RYR2: variants seen among roughly 807,000 people sequenced by gnomAD.
The protein encoded by RYR2 is ryanodine receptor 2, also known as cardiac muscle ryanodine receptor-calcium release channel.
A neutral mutation model predicts 601.1 loss-of-function variants in RYR2; 227 were observed. That is an observed-to-expected ratio of 0.38 (90% CI 0.34 to 0.42). RYR2 has a LOEUF of 0.42. Ranked by LOEUF, RYR2 falls within the 10% of genes least tolerant of loss-of-function variation. RYR2 has a pLI of 1.00. For synonymous variants in RYR2, 2,223 were observed against 2,175.1 expected, an observed-to-expected ratio of 1.02 and a Z score of -0.61; for missense variants, 4,646 against 6,156.5, an observed-to-expected ratio of 0.75 and a Z score of 8.21.
intron 1 of RYR2, among the ~76,000 whole-genome samples, chr1:237,089,942 G>A (rs1349001838): frequency 1.3e-5 from 2 of 152,188 alleles, no homozygotes; most frequent in African/African-American, 2.4e-5. Context: ...TAATTTATAA[G>A]AAAAGAGATT....
At chr1:237,191,079 A>C (rs1679919346) in intron 1 of RYR2, among the ~76,000 whole-genome samples, 1 of 152,090 alleles carries the variant, frequency 6.6e-6, no homozygotes, top group Non-Finnish European at 1.5e-5. Context: ...ATTTTGAATT[A>C]ATTTTTGTAT....
intron 1 of RYR2, among the ~76,000 whole-genome samples, chr1:237,261,075 T>A (rs1558514591): frequency 6.6e-6 from 1 of 152,242 alleles, no homozygotes; most frequent in Non-Finnish European, 1.5e-5. Context: ...CTGTATGACA[T>A]AAATGTCAAA....
In RYR2 at chr1:237,095,449, G is replaced by A. The variant is rs1324161103; in HGVS notation, c.48+52880G>A. 2.0e-5 allele frequency among the ~76,000 whole-genome samples: 3 copies of A among 152,214 alleles called. 1 individual carries two copies. The highest frequency in any genetic ancestry group is 2.0e-4 in the Admixed American group (3 of 15,286). On this transcript the variant is annotated intron_variant, in intron 1 of 104. Coordinates refer to ENST00000366574, the MANE Select transcript of RYR2 (RefSeq NM_001035.3). ...TACAAAAAGTGTAACATTTCACTGG[G>A]ATCGTGTCTGAAAGCACTCTGTAGC...
At chr1:237,669,882 G>A (rs1250126530) in intron 58 of RYR2, among the ~76,000 whole-genome samples, 8 of 151,926 alleles carry the variant, frequency 5.3e-5, no homozygotes, top group African/African-American at 1.4e-4. Context: ...CTTCCCAGAC[G>A]GGGTGGCGGC....
intron 71 of RYR2, among the ~76,000 whole-genome samples, chr1:237,712,564 C>T (rs1205905737): frequency 6.6e-6 from 1 of 152,048 alleles, no homozygotes; most frequent in Non-Finnish European, 1.5e-5. Context: ...CACACACGCA[C>T]CCCCCACTCA....
At chr1:237,046,625 A>G (rs969160763) in intron 1 of RYR2, among the ~76,000 whole-genome samples, 5 of 152,230 alleles carry the variant, frequency 3.3e-5, no homozygotes, top group Admixed American at 6.5e-5. Context: ...GAAGGGCAAG[A>G]TCTAAAACGC....
chr1:237,809,124 A>G (rs1660981459), intron 100 of RYR2, 89 bp downstream of exon 100: 2 of 1,156,156 alleles, frequency 1.7e-6, no homozygotes, highest in African/African-American at 3.1e-5. Context: ...CTAACAGTAC[A>G]AAATAGAAAA....
At chr1:237,570,217 C>CAAAA (rs371744146) in intron 29 of RYR2, among the ~76,000 whole-genome samples, 6 of 130,186 alleles carry the variant, frequency 4.6e-5, no homozygotes, top group South Asian at 2.5e-4. Flanking sequence ...GACTGCATCT[C>CAAAA]AAAAAAAAAA....
At chr1:237,465,692 C>G (rs529029483) in intron 16 of RYR2, among the ~76,000 whole-genome samples, 1 of 152,222 alleles carries the variant, frequency 6.6e-6, no homozygotes, top group African/African-American at 2.4e-5. Context: ...CTACGCTATA[C>G]TGGATGGCCT....
intron 35 of RYR2, among the ~76,000 whole-genome samples, chr1:237,602,396 G>C (rs138694059): frequency 6.6e-6 from 1 of 152,124 alleles, no homozygotes; most frequent in Non-Finnish European, 1.5e-5. Context: ...ACTGATAGGT[G>C]AGCTAATGAA....
In RYR2 at chr1:237,801,650, G is replaced by A. The variant is rs555348496; in HGVS notation, c.14091-206G>A. Among the ~76,000 whole-genome samples, 11 of 152,038 alleles carry A rather than the reference G, an allele frequency of 7.2e-5. No individual in the cohort carries two copies. The South Asian group carries it at 1.9e-3, about 26-fold the overall frequency. On this transcript the variant is annotated intron_variant, in intron 97 of 104. Transcript: ENST00000366574. ...AAGGTGATGATGTTTTGTTTTCCAA[G>A]ATCCTCTAAGAACACATCATGAAAC...
intron 1 of RYR2, among the ~76,000 whole-genome samples, chr1:237,071,511 AC>A (rs773320863): frequency 4.6e-5 from 7 of 151,828 alleles, no homozygotes; most frequent in Non-Finnish European, 8.8e-5. Flanking sequence ...GGAATGAGCC[AC>A]CCTGCCCGGC....
chr1:237,236,948 A>T (rs1685607423), intron 1 of RYR2, among the ~76,000 whole-genome samples: 1 of 152,140 alleles, frequency 6.6e-6, no homozygotes, highest in South Asian at 2.1e-4. Flanking sequence ...TTCAAACTGT[A>T]ATCCCTGTAA....
intron 24 of RYR2, among the ~76,000 whole-genome samples, chr1:237,524,387 C>T (rs1333720967): frequency 6.6e-6 from 1 of 152,120 alleles, no homozygotes; most frequent in African/African-American, 2.4e-5. Context: ...AGCTTAGGGG[C>T]TGTCTGGAGG....
At chr1:237,491,000 T>C (rs887046512) in intron 17 of RYR2, among the ~76,000 whole-genome samples, 1 of 152,216 alleles carries the variant, frequency 6.6e-6, no homozygotes, top group African/African-American at 2.4e-5. Context: ...ATTCTCATTG[T>C]TGACAAGGCA....
intron 25 of RYR2, among the ~76,000 whole-genome samples, chr1:237,538,423 A>C (rs1194020172): frequency 7.7e-6 from 1 of 130,706 alleles, no homozygotes; most frequent in Non-Finnish European, 1.6e-5. Flanking sequence ...AAAAAAAAAA[A>C]AAAAGGGAAG....
At chr1:237,538,394 C>CAAAAAAAAAAAAAAAAAAAAAAAA (rs10551995) in intron 25 of RYR2, among the ~76,000 whole-genome samples, 1 of 32,898 alleles carries the variant, frequency 3.0e-5, no homozygotes, top group African/African-American at 1.3e-4. Context: ...GACTCTGTCT[C>CAAAAAAAAAAAAAAAAAAAAAAAA]AAAAAAAAAA....
intron 3 of RYR2, among the ~76,000 whole-genome samples, chr1:237,338,504 G>A (rs921829642): frequency 2.0e-5 from 3 of 152,040 alleles, no homozygotes; most frequent in Non-Finnish European, 4.4e-5. Flanking sequence ...ATATATAAAT[G>A]CAATTTGTTG....
intron 29 of RYR2, among the ~76,000 whole-genome samples, chr1:237,573,490 A>C (rs1257519460): frequency 6.7e-6 from 1 of 150,154 alleles, no homozygotes; most frequent in South Asian, 2.1e-4. Flanking sequence ...AGTTAAATCC[A>C]GGGGGGAGCT....
Sources: allele counts gnomAD v4.1 joint callset (sites outside exome capture counted in the v4.1 genomes callset), GRCh38; gene constraint gnomAD v4.1.1; transcripts MANE v1.5; gene names NCBI Gene and HGNC (gene_info 2026-07-23, HGNC 2026-07-21).